Variants in GRIA2 observed in about 807,000 individuals in gnomAD.
GRIA2 encodes glutamate ionotropic receptor AMPA type subunit 2.
In GRIA2, 14 loss-of-function variants were observed where a neutral mutation model predicts 97.3. The observed-to-expected ratio is 0.14, with a 90% CI of 0.10 to 0.23. The LOEUF is 0.23. Among genes scored for constraint, GRIA2 ranks in the 10% least tolerant of loss-of-function variants. The probability of loss-of-function intolerance (pLI) is 1.00; values close to 1 mark genes in which losing one functional copy is unlikely to be tolerated. For missense variants in GRIA2, 558 were observed against 1,069.8 expected, an observed-to-expected ratio of 0.52 and a Z score of 6.67; for synonymous variants, 412 against 387.8, an observed-to-expected ratio of 1.06 and a Z score of -0.73.
chr4:157,259,903 T>A, intron 2 of GRIA2, among the ~76,000 whole-genome samples: 1 of 152,142 alleles, frequency 6.6e-6, no homozygotes, highest in East Asian at 1.9e-4. Flanking sequence ...ACACATATTT[T>A]TTATGCCTCC....
Position 157,332,725 on chromosome 4 carries a change from A to G in GRIA2, c.883-94A>G. Reference sequence around the variant, plus strand: ...TTAAATTCTTGGACTTTTAAATGGTATTGTGTGCTGAGCAACTGCAGTCTT... The same window carrying G: ...TTAAATTCTTGGACTTTTAAATGGTGTTGTGTGCTGAGCAACTGCAGTCTT... On this transcript the variant is annotated intron_variant, in intron 6 of 15. Coordinates refer to ENST00000264426, the MANE Select transcript of GRIA2 (RefSeq NM_001083619.3). 3 of 812,758 alleles carry G rather than the reference A, an allele frequency of 3.7e-6. No homozygotes were observed. In the South Asian group the frequency reaches 5.3e-5, roughly 14 times the overall value. 50.3% of individuals were successfully genotyped at this position (812,758 alleles called of 1,614,324 possible).
At chr4:157,316,473 C>T (rs1188800397) in intron 4 of GRIA2, among the ~76,000 whole-genome samples, 5 of 151,972 alleles carry the variant, frequency 3.3e-5, no homozygotes, top group African/African-American at 4.8e-5. Flanking sequence ...ACTTTGTATC[C>T]GATTAGAGAA....
chr4:157,320,825 A>G (rs1560764560), intron 5 of GRIA2, among the ~76,000 whole-genome samples: 1 of 152,160 alleles, frequency 6.6e-6, no homozygotes. Context: ...ATCAATGTAA[A>G]TATCACATAA....
At chr4:157,282,701 A>C (rs2126817151) in intron 2 of GRIA2, among the ~76,000 whole-genome samples, 1 of 152,242 alleles carries the variant, frequency 6.6e-6, no homozygotes, top group Admixed American at 6.6e-5. Context: ...CAGCCAGAAA[A>C]TATATTGTTA....
intron 12 of GRIA2, among the ~76,000 whole-genome samples, chr4:157,346,905 T>A: frequency 6.6e-6 from 1 of 152,112 alleles, no homozygotes. Flanking sequence ...CATTTTAATT[T>A]TTTCTCACCA....
intron 2 of GRIA2, among the ~76,000 whole-genome samples, chr4:157,257,401 G>T (rs1428317513): frequency 6.6e-6 from 1 of 152,154 alleles, no homozygotes; most frequent in African/African-American, 2.4e-5. Context: ...CTGAAAAAGT[G>T]AATGTGTCTT....
At chr4:157,300,478 C>A (rs1733566894) in intron 2 of GRIA2, among the ~76,000 whole-genome samples, 2 of 151,966 alleles carry the variant, frequency 1.3e-5, no homozygotes, top group African/African-American at 2.4e-5. Context: ...GCATTCTTAT[C>A]CTGCTTGGGG....
At chr4:157,256,215 A>G (rs1282481774) in intron 2 of GRIA2, among the ~76,000 whole-genome samples, 2 of 124,106 alleles carry the variant, frequency 1.6e-5, no homozygotes, top group South Asian at 4.6e-4. Flanking sequence ...TATATGTTAT[A>G]TATAATATAT....
At chr4:157,267,391 C>CAAAAAA (rs772189197) in intron 2 of GRIA2, among the ~76,000 whole-genome samples, 4 of 51,784 alleles carry the variant, frequency 7.7e-5, no homozygotes, top group Admixed American at 2.0e-4. Context: ...GACTCCATCT[C>CAAAAAA]AAAAAAAAAA....
At chr4:157,276,379 G>A (rs932036224) in intron 2 of GRIA2, among the ~76,000 whole-genome samples, 2 of 152,054 alleles carry the variant, frequency 1.3e-5, no homozygotes, top group Non-Finnish European at 2.9e-5. Context: ...TGCAGCAAAA[G>A]AAGTGCTTGG....
At chr4:157,362,578 A>T (rs112367090) in intron 14 of GRIA2, 2 of 608,010 alleles carry the variant, frequency 3.3e-6, no homozygotes, top group Non-Finnish European at 6.0e-6. Flanking sequence ...TATTCCCTGC[A>T]GGTAGTCGAT....
chr4:157,258,279 A>G (rs1249220751), intron 2 of GRIA2, among the ~76,000 whole-genome samples: 1 of 152,104 alleles, frequency 6.6e-6, no homozygotes, highest in Non-Finnish European at 1.5e-5. Context: ...GAGAAATATT[A>G]CTGAATTCTT....
intron 6 of GRIA2, 22 bp from the exon 7 acceptor site, chr4:157,332,797 A>T (rs531398207): frequency 6.3e-7 from 1 of 1,588,684 alleles, no homozygotes; most frequent in East Asian, 2.3e-5. Flanking sequence ...CGTTCTTATG[A>T]AATGTGTGTG....
chr4:157,358,228 C>A (rs1026669232), intron 12 of GRIA2, among the ~76,000 whole-genome samples: 5 of 152,110 alleles, frequency 3.3e-5, no homozygotes, highest in African/African-American at 1.2e-4. Context: ...AAAACACAAA[C>A]AAGCAGTTTC....
intron 3 of GRIA2, among the ~76,000 whole-genome samples, chr4:157,309,196 G>C (rs527427783): frequency 6.6e-6 from 1 of 152,172 alleles, no homozygotes; most frequent in South Asian, 2.1e-4. Flanking sequence ...GAGCAGTTTA[G>C]TTTCTTAATA....
In GRIA2 at chr4:157,365,909, A is replaced by T. The variant is rs938553478; in HGVS notation, c.*2478A>T. 6.6e-6 allele frequency: 1 copy of T among 151,778 alleles called. No individual in the cohort carries two copies. The highest frequency in any genetic ancestry group is 1.9e-4 in the East Asian group (1 of 5,190). The allele number at this position is 151,778 out of a possible 1,614,324, so 9.4% of individuals were successfully genotyped here. A position where few individuals can be genotyped will look rare whatever the true frequency, so the allele number is the denominator to read the frequency against. On this transcript the variant is annotated 3_prime_UTR_variant, in exon 16 of 16. Coordinates refer to ENST00000264426, the MANE Select transcript of GRIA2 (RefSeq NM_001083619.3). ...AGTGGGTGTCAAACTCCAAGAAGAC[A>T]TACACTTTCTATAACTTCTATTGAA... is the stretch of plus-strand genomic sequence containing the variant.
In GRIA2 at chr4:157,335,700, T is replaced by C. The variant is rs1334458118; in HGVS notation, c.1296T>C (p.Asn432=). Residue 432 remains asparagine (N), a synonymous_variant, in exon 10 of 16, where the codon AAT becomes AAC. Transcript: ENST00000264426. ...CTCCGTATGTTATGATGAAGAAAAA[T>C]CATGAAATGCTTGAAGGCAATGAGC... ...LESPYVMMKK[N]HEMLEGNERY... 6.2e-7 allele frequency: 1 copy of C among 1,610,918 alleles called. No individual in the cohort carries two copies. The highest frequency in any genetic ancestry group is 1.3e-5 in the African/African-American group (1 of 74,854).
chr4:157,271,162 A>G (rs1732006745), intron 2 of GRIA2, among the ~76,000 whole-genome samples: 1 of 151,838 alleles, frequency 6.6e-6, no homozygotes, highest in African/African-American at 2.4e-5. Context: ...ATCAACTCGG[A>G]AGTCTTCTAT....
chr4:157,324,099 A>G (rs1033793479), intron 6 of GRIA2, among the ~76,000 whole-genome samples: 3 of 152,180 alleles, frequency 2.0e-5, no homozygotes, highest in African/African-American at 7.2e-5. Flanking sequence ...ACAGCTTTGG[A>G]AACATAGGTG....
Sources: allele counts gnomAD v4.1 joint callset (sites outside exome capture counted in the v4.1 genomes callset), GRCh38; gene constraint gnomAD v4.1.1; transcripts MANE v1.5; gene names NCBI Gene and HGNC (gene_info 2026-07-23, HGNC 2026-07-21).